The following ZNF536 variants were observed in gnomAD, a reference collection of about 807,000 sequenced individuals.
The protein encoded by ZNF536 is zinc finger protein 536.
A neutral mutation model predicts 84.5 loss-of-function variants in ZNF536; 13 were observed. That is an observed-to-expected ratio of 0.15 (90% CI 0.10 to 0.24). The LOEUF is 0.24. Ranked by LOEUF, ZNF536 falls within the 10% of genes least tolerant of loss-of-function variation. ZNF536 has a pLI of 1.00. For missense variants in ZNF536, 1,536 were observed against 1,747.5 expected (o/e 0.88, Z 2.16); for synonymous variants, 811 against 742.5 (o/e 1.09, Z -1.50).
chr19:30,628,281 C>T (rs1018476308), intron 1 of ZNF536, among the ~76,000 whole-genome samples: 5 of 152,228 alleles, frequency 3.3e-5, no homozygotes, highest in Admixed American at 3.3e-4. Flanking sequence ...GATGCTGGCC[C>T]CGTGGCTCTG....
intron 2 of ZNF536, among the ~76,000 whole-genome samples, chr19:30,316,767 T>G (rs1258189204): frequency 6.6e-6 from 1 of 152,214 alleles, no homozygotes; most frequent in Non-Finnish European, 1.5e-5. Flanking sequence ...ACAGGTGGTT[T>G]CTGGGGCCAC....
At chr19:30,230,594 G>A (rs1216806757) in intron 1 of ZNF536, among the ~76,000 whole-genome samples, 1 of 152,228 alleles carries the variant, frequency 6.6e-6, no homozygotes, top group Non-Finnish European at 1.5e-5. Flanking sequence ...CATTATGGGA[G>A]AGGACAGAGA....
chr19:30,464,184 CG>C (rs2053280002), intron 2 of ZNF536, among the ~76,000 whole-genome samples: 1 of 152,082 alleles, frequency 6.6e-6, no homozygotes, highest in African/African-American at 2.4e-5. Context: ...TCGCTGCTTA[CG>C]GGTTTAGCTG....
chr19:30,503,346 T>C (rs1162511600), intron 2 of ZNF536, among the ~76,000 whole-genome samples: 1 of 152,170 alleles, frequency 6.6e-6, no homozygotes, highest in Non-Finnish European at 1.5e-5. Context: ...TCAAAGGACA[T>C]GAGCAGGCGA....
intron 2 of ZNF536, among the ~76,000 whole-genome samples, chr19:30,326,841 C>A (rs1386353441): frequency 3.6e-5 from 4 of 111,512 alleles, no homozygotes; most frequent in Non-Finnish European, 6.6e-5. Flanking sequence ...GGCGCAGTAG[C>A]CCATGCCTGT....
chr19:30,530,111 T>C (rs745498092), intron 2 of ZNF536, among the ~76,000 whole-genome samples: 5 of 152,196 alleles, frequency 3.3e-5, no homozygotes, highest in Non-Finnish European at 5.9e-5. Flanking sequence ...ATTTCACAGA[T>C]GAGCAGGGAG....
At chr19:30,254,680 C>T (rs573676729) in intron 1 of ZNF536, among the ~76,000 whole-genome samples, 3 of 151,548 alleles carry the variant, frequency 2.0e-5, no homozygotes, top group Non-Finnish European at 4.4e-5. Flanking sequence ...AACTAGGAGT[C>T]GGTAGTCCAA....
chr19:30,565,928 A>G (rs2046332046), intron 1 of ZNF536, among the ~76,000 whole-genome samples: 2 of 152,222 alleles, frequency 1.3e-5, no homozygotes, highest in Non-Finnish European at 2.9e-5. Flanking sequence ...CACAGATGAC[A>G]GCAATCAGTG....
At chr19:30,481,726 G>A (rs2144865802) in intron 2 of ZNF536, among the ~76,000 whole-genome samples, 1 of 152,068 alleles carries the variant, frequency 6.6e-6, no homozygotes, top group South Asian at 2.1e-4. Context: ...TTGGTAACAT[G>A]GGTAAGTTGT....
chr19:30,249,835 T>C (rs1389118761), intron 1 of ZNF536, among the ~76,000 whole-genome samples: 1 of 152,134 alleles, frequency 6.6e-6, no homozygotes, highest in Admixed American at 6.5e-5. Context: ...GTCACCAGGC[T>C]CTAGTGGGAA....
intron 2 of ZNF536, among the ~76,000 whole-genome samples, chr19:30,344,909 T>C (rs989307902): frequency 1.3e-5 from 2 of 152,180 alleles, no homozygotes; most frequent in African/African-American, 2.4e-5. Context: ...GCTTGTCTAG[T>C]GAATGGCACA....
intron 1 of ZNF536, among the ~76,000 whole-genome samples, chr19:30,664,204 TTCTCTCTCTCTCTCTC>T (rs71173915): frequency 0.33 from 29,717 of 90,100 alleles, 3,561 homozygotes; most frequent in East Asian, 0.43. Flanking sequence ...TTGCTGAGTT[TTCTCTCTCTCTCTCTC>T]TCTCTCTCTC....
chr19:30,464,534 T>C (rs1022694481), intron 2 of ZNF536, among the ~76,000 whole-genome samples: 2 of 152,066 alleles, frequency 1.3e-5, no homozygotes, highest in Non-Finnish European at 2.9e-5. Flanking sequence ...ATGAATTGGA[T>C]GAAAATCATG....
chr19:30,676,433 G>A (rs952530418), intron 1 of ZNF536, among the ~76,000 whole-genome samples: 8 of 152,180 alleles, frequency 5.3e-5, no homozygotes, highest in Admixed American at 3.9e-4. Flanking sequence ...GGTCTGCCTC[G>A]TGATCACAGC....
In ZNF536 at chr19:30,557,776, T is replaced by C. The variant is rs1328073777; in HGVS notation, c.*612T>C. ...CACCTTGACATCTACAACTTAAAAA[T>C]GGTGATTGAAGCAAAATATGTAAAC... On this transcript the variant is annotated 3_prime_UTR_variant, in exon 5 of 5. Transcript: ENST00000355537. 1 of 152,572 alleles carries C rather than the reference T, an allele frequency of 6.6e-6. No homozygotes were observed. Among genetic ancestry groups the C allele is most frequent in the Non-Finnish European group, 1.5e-5 (1 of 68,028 alleles). The allele number at this position is 152,572 out of a possible 1,614,324, so 9.5% of individuals were successfully genotyped here.
chr19:30,332,290 T>G (rs1343963378), intron 2 of ZNF536, among the ~76,000 whole-genome samples: 1 of 152,198 alleles, frequency 6.6e-6, no homozygotes, highest in Non-Finnish European at 1.5e-5. Flanking sequence ...GGCCCTTGTC[T>G]TCTCTTCTCT....
At chr19:30,346,775 T>C (rs1000093028) in intron 2 of ZNF536, among the ~76,000 whole-genome samples, 1 of 152,258 alleles carries the variant, frequency 6.6e-6, no homozygotes, top group East Asian at 1.9e-4. Flanking sequence ...TTCCATGAGT[T>C]TGCTATTGTA....
chr19:30,302,944 A>T (rs1247357708), intron 2 of ZNF536, among the ~76,000 whole-genome samples: 1 of 152,094 alleles, frequency 6.6e-6, no homozygotes, highest in Non-Finnish European at 1.5e-5. Flanking sequence ...CTGAACTATA[A>T]ACTCTCTGGT....
chr19:30,701,570 T>C (rs948441484), intron 1 of ZNF536, among the ~76,000 whole-genome samples: 7 of 151,496 alleles, frequency 4.6e-5, no homozygotes, highest in African/African-American at 1.2e-4. Context: ...CACACACACA[T>C]ACACATGGTA....
Sources: allele counts gnomAD v4.1 joint callset (sites outside exome capture counted in the v4.1 genomes callset), GRCh38; gene constraint gnomAD v4.1.1; transcripts MANE v1.5; gene names NCBI Gene and HGNC (gene_info 2026-07-23, HGNC 2026-07-21).